Variants in CASKIN2 observed in about 807,000 individuals in gnomAD.
CASKIN2 encodes CASK interacting protein 2.
CASKIN2 carries 41 observed loss-of-function variants against 107.1 expected under a neutral mutation model. That is an observed-to-expected ratio of 0.38 (90% confidence interval 0.30 to 0.50). The LOEUF is 0.50. CASKIN2 is among the 20% of genes least tolerant of loss of function. The pLI is 0.92. For missense variants in CASKIN2, 1,546 were observed against 1,657.4 expected (o/e 0.93, Z 1.17); for synonymous variants, 724 against 705.6 (o/e 1.03, Z -0.41).
chr17:75,506,553 G>A lies in CASKIN2; in HGVS notation c.617+30C>T, dbSNP rs201230218. ...GGCACCGATGGTCCCGCAGGCAGGTGATGAGGAAGCGAGGGGACCCCAAGG... is the reference window on the plus strand; with the variant it reads ...GGCACCGATGGTCCCGCAGGCAGGTAATGAGGAAGCGAGGGGACCCCAAGG... On this transcript the variant is annotated intron_variant, in intron 7 of 19. Transcript: ENST00000321617. This position sits in a 1 kb window ranked among gnomAD's most constrained non-coding sequence, Gnocchi z 4.8. 78 of 1,609,744 alleles carry A rather than the reference G, an allele frequency of 4.8e-5. No homozygotes were observed. The highest frequency in any genetic ancestry group is 6.2e-5 in the Non-Finnish European group (73 of 1,178,042).
At chr17:75,510,880 G>A (rs1192605242) in intron 2 of CASKIN2, among the ~76,000 whole-genome samples, 1 of 151,892 alleles carries the variant, frequency 6.6e-6, no homozygotes. Flanking sequence ...GACTATAGGT[G>A]TGTGCCATCA....
intron 4 of CASKIN2, among the ~76,000 whole-genome samples, 155 bp from the exon 5 acceptor site, chr17:75,507,284 G>C (rs1023897864): frequency 2.6e-5 from 4 of 151,428 alleles, no homozygotes; most frequent in African/African-American, 9.7e-5. Context: ...AAGAGGTTCG[G>C]CTCGACAGGG....
In CASKIN2 at chr17:75,513,966, G is replaced by A; in HGVS notation, c.-162C>T. On this transcript the variant is annotated 5_prime_UTR_variant, in exon 2 of 20. Coordinates refer to ENST00000321617, the MANE Select transcript of CASKIN2 (RefSeq NM_020753.5). Reference sequence around the variant, plus strand: ...GGCAGTGGGCTCCTCGTCAGGTACTGAGGGATACTCCCAAAGGTGCTCCGT... The same window carrying A: ...GGCAGTGGGCTCCTCGTCAGGTACTAAGGGATACTCCCAAAGGTGCTCCGT... 1.6e-6 allele frequency: 1 copy of A among 626,992 alleles called. No homozygotes were observed. Among genetic ancestry groups the A allele is most frequent in the African/African-American group, 1.8e-5 (1 of 55,084 alleles). The allele number at this position is 626,992 out of a possible 1,614,324, so 38.8% of individuals were successfully genotyped here.
chr17:75,505,780 GC>G lies in CASKIN2; in HGVS notation c.835+40del. ...TCCACATCCTGGTACCACTTGAGCG[GC>G]CCCAGGCCCCCTGGGCAGGGTATCC... On this transcript the variant is annotated intron_variant, in intron 9 of 19. Coordinates refer to ENST00000321617, the MANE Select transcript of CASKIN2 (RefSeq NM_020753.5). This position sits in a 1 kb window ranked among gnomAD's most constrained non-coding sequence, Gnocchi z 5.1. The G allele has an allele frequency of 6.3e-7, 1 of 1,597,822 alleles. No individual in the cohort carries two copies. Among genetic ancestry groups the G allele is most frequent in the Non-Finnish European group, 8.6e-7 (1 of 1,168,812 alleles).
At chr17:75,503,290 G>T in intron 17 of CASKIN2, 36 bp from the exon 18 acceptor site, 1 of 1,573,656 alleles carries the variant, frequency 6.4e-7, no homozygotes, top group Admixed American at 1.8e-5. Flanking sequence ...GGTTAGCTGG[G>T]GCTGGGGTTG....
Position 75,501,622 on chromosome 17 carries a change from G to A in CASKIN2, c.3364C>T (p.Arg1122Trp), listed in dbSNP as rs771160106. Residue 1122 changes from arginine (R) to tryptophan (W), a missense_variant, in exon 19 of 20, where the codon CGG (arginine) becomes TGG (tryptophan). By Grantham distance (101) the Arg-to-Trp change is moderately radical (BLOSUM62 -3). Around this residue, in one of 6 missense-constraint regions of CASKIN2, gnomAD observed 1,311 missense variants for 1,311.0 expected, o/e 1.00. Coordinates refer to ENST00000321617, the MANE Select transcript of CASKIN2 (RefSeq NM_020753.5). ...GGAGGCACTGGGCGGGGGCCGAGCC[G>A]GGGCGCTAGCTTAGGGCCAGAAAAT... ...LAFSGPKLAP[R>W]LGPRPVPPPR... The A allele has an allele frequency of 5.7e-5, 91 of 1,601,694 alleles. No homozygotes were observed. Among genetic ancestry groups the A allele is most frequent in the Non-Finnish European group, 7.2e-5 (85 of 1,173,730 alleles).
Position 75,506,294 on chromosome 17 carries a change from C to T in CASKIN2, c.726+11G>A. On this transcript the variant is annotated intron_variant, in intron 8 of 19. Coordinates refer to ENST00000321617, the MANE Select transcript of CASKIN2 (RefSeq NM_020753.5). The surrounding 1 kb of genome is among the most constrained non-coding windows in gnomAD (Gnocchi z 4.8). ...ATGGACACCTGCGAGGGAGCAGGGG[C>T]CCATACCCACCTCCAGAAGCAGCCG... is the stretch of plus-strand genomic sequence containing the variant. 6.3e-7 allele frequency: 1 copy of T among 1,598,528 alleles called. No individual in the cohort carries two copies. Among genetic ancestry groups the T allele is most frequent in the Non-Finnish European group, 8.6e-7 (1 of 1,168,884 alleles).
Position 75,502,426 on chromosome 17 carries a change from C to A in CASKIN2, c.2648G>T (p.Ser883Ile), listed in dbSNP as rs1352596247. Residue 883 changes from serine (S) to isoleucine (I), a missense_variant, in exon 18 of 20, where the codon AGC becomes ATC. Ser to Ile is a moderately radical substitution (Grantham distance 142, BLOSUM62 -2). Around this residue, in one of 6 missense-constraint regions of CASKIN2, gnomAD observed 1,311 missense variants for 1,311.0 expected, o/e 1.00. Coordinates refer to ENST00000321617, the MANE Select transcript of CASKIN2 (RefSeq NM_020753.5). This position sits in a 1 kb window ranked among gnomAD's most constrained non-coding sequence, Gnocchi z 4.3. ...CTCATCTAGTGGAGGTGGCTCCGGGCTGGGGCCAGAGACGGAGCTGAGGCG... is the reference window on the plus strand; with the variant it reads ...CTCATCTAGTGGAGGTGGCTCCGGGATGGGGCCAGAGACGGAGCTGAGGCG... ...PKRLSSVSGPSPEPPPLDESP... is the reference protein window; with the variant it reads ...PKRLSSVSGPIPEPPPLDESP... The A allele has an allele frequency of 7.1e-7, 1 of 1,417,586 alleles. No homozygotes were observed. The highest frequency in any genetic ancestry group is 9.2e-7 in the Non-Finnish European group (1 of 1,090,738). The allele number at this position is 1,417,586 out of a possible 1,614,324, so 87.8% of individuals were successfully genotyped here. A position where few individuals can be genotyped will look rare whatever the true frequency, so the allele number is the denominator to read the frequency against.
chr17:75,500,912 C>G lies in CASKIN2; in HGVS notation c.*168G>C. 5 of 632,066 alleles carry G rather than the reference C, an allele frequency of 7.9e-6. No individual in the cohort carries two copies. Among genetic ancestry groups the G allele is most frequent in the Non-Finnish European group, 1.4e-5 (5 of 362,096 alleles). 39.2% of individuals were successfully genotyped at this position (632,066 alleles called of 1,614,324 possible). On this transcript the variant is annotated 3_prime_UTR_variant, in exon 20 of 20. Transcript: ENST00000321617. ...TCAGGTTCTAAGGTGGGCTGCCCCA[C>G]AAGAGCTGTGGTGCCCACAGCCGCG...
intron 19 of CASKIN2, 81 bp downstream of exon 19, chr17:75,501,387 T>A (rs2053180890): frequency 6.9e-7 from 1 of 1,459,254 alleles, no homozygotes; most frequent in African/African-American, 1.4e-5. Context: ...CCCTCCAACA[T>A]CCCCATGATC....
intron 2 of CASKIN2, 29 bp downstream of exon 2, chr17:75,513,682 G>T: frequency 6.5e-7 from 1 of 1,546,966 alleles, no homozygotes; most frequent in South Asian, 1.1e-5. Flanking sequence ...CTCGGCCTCA[G>T]CGGGATGCTC....
rs1417779113 is a variant in CASKIN2 at position 75,502,278 on chromosome 17, C to G, written c.2796G>C (p.Glu932Asp). The G allele has an allele frequency of 1.3e-6, 2 of 1,521,430 alleles. No homozygotes were observed. The highest frequency in any genetic ancestry group is 1.8e-6 in the Non-Finnish European group (2 of 1,138,260). The allele number at this position is 1,521,430 out of a possible 1,614,324, so 94.2% of individuals were successfully genotyped here. A position where few individuals can be genotyped will look rare whatever the true frequency, so the allele number is the denominator to read the frequency against. The stretch of plus-strand genomic sequence containing the variant: ...GGGGCGTCCCCTCAGGGCCTGGCTC[C>G]TCCTCCTCCGTGTCTGACGCGGGCC... ...PAGPASDTEE[E>D]EPGPEGTPPS... The change falls in exon 18 of 20, where the codon GAG becomes GAC. Residue 932 changes from glutamate to aspartate, a missense_variant. Transcript: ENST00000321617. This position sits in a 1 kb window ranked among gnomAD's most constrained non-coding sequence, Gnocchi z 4.3.
At chr17:75,510,733 G>A (rs917162550) in intron 2 of CASKIN2, among the ~76,000 whole-genome samples, 1 of 151,996 alleles carries the variant, frequency 6.6e-6, no homozygotes, top group African/African-American at 2.4e-5. Context: ...CGGGACTACA[G>A]GCATGTGCCA....
rs548670133 is a variant in CASKIN2 at position 75,511,357 on chromosome 17, G to C, written c.94+2354C>G. Among the ~76,000 whole-genome samples the C allele has an allele frequency of 1.1e-3, 166 of 152,196 alleles. 1 individual carries two copies. The highest frequency in any genetic ancestry group is 3.4e-3 in the Middle Eastern group (1 of 294). ...CTATCTCTTTAAAAAGAAAAGAACA[G>C]AACAATCCCTAGGTAATACTGATGG... is the stretch of plus-strand genomic sequence containing the variant. On this transcript the variant is annotated intron_variant, in intron 2 of 19. Coordinates refer to ENST00000321617, the MANE Select transcript of CASKIN2 (RefSeq NM_020753.5).
intron 2 of CASKIN2, among the ~76,000 whole-genome samples, chr17:75,509,259 T>TG (rs1341493937): frequency 6.6e-6 from 1 of 152,098 alleles, no homozygotes; most frequent in African/African-American, 2.4e-5. Flanking sequence ...CTGTCATGGG[T>TG]GGCCCCTGCC....
rs755504769 is a variant in CASKIN2 at position 75,503,165 on chromosome 17, G to A, written c.1909C>T (p.Arg637Cys). 38 of 1,602,140 alleles carry A rather than the reference G, an allele frequency of 2.4e-5. No homozygotes were observed. In the South Asian group the frequency reaches 3.0e-4, roughly 13 times the overall value. Residue 637 changes from arginine to cysteine, a missense_variant, in exon 18 of 20, where the codon CGC (arginine) becomes TGC (cysteine). Around this residue, in one of 6 missense-constraint regions of CASKIN2, gnomAD observed 1,311 missense variants for 1,311.0 expected, o/e 1.00. Coordinates refer to ENST00000321617, the MANE Select transcript of CASKIN2 (RefSeq NM_020753.5). ...AGCTCCGGACCCTTGGCCAGCCGGC[G>A]CCCGCCTTCGCTGAGGGCCTCCCCC... ...LQGEALSEGG[R>C]RLAKGPELMA...
chr17:75,501,979 G>A lies in CASKIN2; in HGVS notation c.3095C>T (p.Pro1032Leu), dbSNP rs746286001. The stretch of plus-strand genomic sequence containing the variant: ...CTCGGGCTGGGGAAGGCTAGAAGCT[G>A]GAGGAGACTCGCCAGGAGTTGGGGA... The part of the protein sequence containing the change: ...LPSPTPGESP[P>L]ASSLPQPEPS... Residue 1032 changes from proline to leucine, a missense_variant, in exon 18 of 20, where the codon CCA becomes CTA. By Grantham distance (98) the Pro-to-Leu change is moderately conservative (BLOSUM62 -3). Around this residue, in one of 6 missense-constraint regions of CASKIN2, gnomAD observed 1,311 missense variants for 1,311.0 expected, o/e 1.00. Transcript: ENST00000321617. 4 of 1,611,838 alleles carry A rather than the reference G, an allele frequency of 2.5e-6. No individual in the cohort carries two copies. Among genetic ancestry groups the A allele is most frequent in the South Asian group, 1.1e-5 (1 of 90,934 alleles).
rs1193898003 is a variant in CASKIN2, at chr17:75,502,663, G to A, written c.2411C>T (p.Pro804Leu). 1.2e-6 allele frequency: 2 copies of A among 1,603,498 alleles called. No homozygotes were observed. The highest frequency in any genetic ancestry group is 1.7e-6 in the Non-Finnish European group (2 of 1,174,874). The change falls in exon 18 of 20, where the codon CCT becomes CTT. Residue 804 changes from proline (P) to leucine (L), a missense_variant. Around this residue, in one of 6 missense-constraint regions of CASKIN2, gnomAD observed 1,311 missense variants for 1,311.0 expected, o/e 1.00. Coordinates refer to ENST00000321617, the MANE Select transcript of CASKIN2 (RefSeq NM_020753.5). The surrounding 1 kb of genome is among the most constrained non-coding windows in gnomAD (Gnocchi z 4.3). ...PKRRSHSLSR[P>L]GPTEGDAEGE... Reference sequence around the variant, plus strand: ...CTCAGCATCCCCCTCTGTGGGGCCAGGGCGGCTTAGGCTGTGGGACCGGCG... The same window carrying A: ...CTCAGCATCCCCCTCTGTGGGGCCAAGGCGGCTTAGGCTGTGGGACCGGCG...
In CASKIN2 at chr17:75,502,874, C is replaced by G; in HGVS notation, c.2200G>C (p.Glu734Gln). ...PSPPQERNLPEGTERPPKLCS... is the reference protein window; with the variant it reads ...PSPPQERNLPQGTERPPKLCS... ...AGCTTAGGGGGCCGCTCTGTGCCCTCTGGGAGGTTCCTCTCCTGGGGGGGG... is the reference window on the plus strand; with the variant it reads ...AGCTTAGGGGGCCGCTCTGTGCCCTGTGGGAGGTTCCTCTCCTGGGGGGGG... Residue 734 changes from glutamate to glutamine, a missense_variant, in exon 18 of 20, where the codon GAG (glutamate) becomes CAG (glutamine). By Grantham distance (29) the Glu-to-Gln change is conservative (BLOSUM62 2). Transcript: ENST00000321617. This position sits in a 1 kb window ranked among gnomAD's most constrained non-coding sequence, Gnocchi z 4.3. 6.5e-7 allele frequency: 1 copy of G among 1,544,332 alleles called. No homozygotes were observed. The highest frequency in any genetic ancestry group is 1.3e-5 in the South Asian group (1 of 79,776).
Sources: gnomAD v4.1 joint callset for allele counts (sites outside exome capture counted in the v4.1 genomes callset) on GRCh38, gnomAD v4.1.1 for gene constraint, gnomAD v4.1.1 regional missense constraint, Gnocchi (gnomAD v3.1) non-coding constraint, MANE v1.5 for transcripts, NCBI Gene and HGNC (gene_info 2026-07-23, HGNC 2026-07-21) for gene names.